LAMA4: variants seen among roughly 807,000 people sequenced by gnomAD.
The protein encoded by LAMA4 is laminin subunit alpha-4.
Under a neutral mutation model 207.1 loss-of-function variants are expected in LAMA4, and 127 were observed. The observed-to-expected ratio is 0.61, with a 90% CI of 0.53 to 0.71. The LOEUF is 0.71. Among genes scored for constraint, LAMA4 ranks in the 30% least tolerant of loss-of-function variants. The pLI, the probability that LAMA4 is intolerant of heterozygous loss-of-function variation, is 0.00. For synonymous variants in LAMA4, 761 were observed against 816.0 expected (o/e 0.93, Z 1.15); for missense variants, 2,093 against 2,246.5 (o/e 0.93, Z 1.38).
At chr6:112,186,924 GGT>G (rs1554346840) in intron 8 of LAMA4, 1 of 454,750 alleles carries the variant, frequency 2.2e-6, no homozygotes, top group South Asian at 1.6e-5. Context: ...GGAGAAACAA[GGT>G]GTGTGTGAAT....
chr6:112,159,721 C>CA (rs2114801968), intron 13 of LAMA4, among the ~76,000 whole-genome samples: 1 of 152,348 alleles, frequency 6.6e-6, no homozygotes, highest in African/African-American at 2.4e-5. Flanking sequence ...ACTTCTTCCA[C>CA]ACTTCTGATG....
chr6:112,131,010 T>C lies in LAMA4; in HGVS notation c.3926A>G (p.Asp1309Gly). The C allele has an allele frequency of 3.1e-6, 5 of 1,613,190 alleles. No individual in the cohort carries two copies. The highest frequency in any genetic ancestry group is 4.2e-6 in the Non-Finnish European group (5 of 1,179,272). ...KVQSVDKQYN[D>G]GLSHFVISSV... ...GCTAATGACGAAGTGGGACAGCCCA[T>C]CATTGTACTGCTTATCTACTGACTG... The change falls in exon 29 of 39, where the codon GAT becomes GGT. Residue 1309 changes from aspartate to glycine, a missense_variant. Physicochemically the swap from Asp to Gly is moderately conservative, Grantham distance 94 (BLOSUM62 -1). Coordinates refer to ENST00000230538, the MANE Select transcript of LAMA4 (RefSeq NM_001105206.3).
chr6:112,163,471 G>A (rs574997450), intron 13 of LAMA4, among the ~76,000 whole-genome samples: 1 of 152,288 alleles, frequency 6.6e-6, no homozygotes, highest in Admixed American at 6.5e-5. Context: ...CGCTAGCCAG[G>A]GTAGAGGCCA....
intron 2 of LAMA4, among the ~76,000 whole-genome samples, chr6:112,228,447 G>A (rs1238988650): frequency 6.6e-6 from 1 of 152,174 alleles, no homozygotes; most frequent in East Asian, 1.9e-4. Context: ...TGTCACTGAG[G>A]TAGTCAGGCC....
intron 16 of LAMA4, among the ~76,000 whole-genome samples, chr6:112,151,135 T>C (rs1256895135): frequency 2.6e-5 from 4 of 152,062 alleles, no homozygotes; most frequent in African/African-American, 7.2e-5. Flanking sequence ...GTCAAGAAAA[T>C]AGAAACTTAT....
rs968694130 is a variant in LAMA4, at chr6:112,247,941, G to C, written c.195+6015C>G. On this transcript the variant is annotated intron_variant, in intron 2 of 38. Coordinates refer to ENST00000230538, the MANE Select transcript of LAMA4 (RefSeq NM_001105206.3). ...CAATTCTGACACATGCTACAACATG[G>C]GTGAGCCTCAAAGACATTATGCCAA... 5.9e-5 allele frequency among the ~76,000 whole-genome samples: 9 copies of C among 152,204 alleles called. No individual in the cohort carries two copies. In the South Asian group the frequency reaches 1.9e-3, roughly 32 times the overall value.
At position 112,118,350 on chromosome 6, in the gene LAMA4, T is replaced by C. The variant is rs1192045232; in HGVS notation, c.4822-452A>G. Among the ~76,000 whole-genome samples the C allele has an allele frequency of 3.3e-5, 5 of 152,170 alleles. No individual in the cohort carries two copies. The highest frequency in any genetic ancestry group is 5.9e-5 in the Non-Finnish European group (4 of 68,034). On this transcript the variant is annotated intron_variant, in intron 34 of 38. Coordinates refer to ENST00000230538, the MANE Select transcript of LAMA4 (RefSeq NM_001105206.3). This position sits in a 1 kb window ranked among gnomAD's most constrained non-coding sequence, Gnocchi z 4.6. The stretch of plus-strand genomic sequence containing the variant: ...TTTTTGTGGTTGAGAATTTATCATA[T>C]CACAGGACATGAAACTTGGGCCACT...
intron 2 of LAMA4, among the ~76,000 whole-genome samples, chr6:112,231,832 CA>C (rs1409550563): frequency 6.6e-6 from 1 of 152,272 alleles, no homozygotes; most frequent in African/African-American, 2.4e-5. Flanking sequence ...GCCATGAAAC[CA>C]ACACCTTCAT....
Position 112,158,878 on chromosome 6 carries a change from A to T in LAMA4, c.1671T>A (p.Asn557Lys), listed in dbSNP as rs1554337654. The T allele has an allele frequency of 6.2e-7, 1 of 1,606,116 alleles. No individual in the cohort carries two copies. The highest frequency in any genetic ancestry group is 8.5e-7 in the Non-Finnish European group (1 of 1,173,376). The change falls in exon 14 of 39, where the codon AAT becomes AAA. Residue 557 changes from asparagine (N) to lysine (K), a missense_variant and splice_region_variant. Physicochemically the swap from Asn to Lys is moderately conservative, Grantham distance 94. Around this residue, in one of 3 missense-constraint regions of LAMA4, gnomAD observed 1,704 missense variants for 1,788.4 expected, o/e 0.95. Transcript: ENST00000230538. ...TLSELDDIIK[N>K]ASGIYAEIDG... ...CTATTTCTGCATAAATCCCTGACGC[A>T]TTCTAAAGAAAAAAATTTTAATAAA...
Position 112,246,552 on chromosome 6 carries a change from G to T in LAMA4, c.195+7404C>A, listed in dbSNP as rs1010907923. Among the ~76,000 whole-genome samples, 89 of 140,828 alleles carry T rather than the reference G, an allele frequency of 6.3e-4. 1 individual carries two copies. The highest frequency in any genetic ancestry group is 1.5e-4 in the Non-Finnish European group (10 of 66,460). The allele number at this position is 140,828 out of a possible 152,430, so 92.4% of individuals were successfully genotyped here. The stretch of plus-strand genomic sequence containing the variant: ...TTTTTTTTTTTTGAGATAGAGTCTC[G>T]CTCTGTCGCCCAGGCTGGAGTGCAA... On this transcript the variant is annotated intron_variant, in intron 2 of 38. Coordinates refer to ENST00000230538, the MANE Select transcript of LAMA4 (RefSeq NM_001105206.3).
chr6:112,172,874 G>A (rs1246607987), intron 11 of LAMA4, 70 bp from the exon 12 acceptor site: 3 of 1,331,416 alleles, frequency 2.3e-6, no homozygotes, highest in South Asian at 2.5e-5. Context: ...CCAGCATTTT[G>A]CAAAGTTGCA....
chr6:112,165,188 G>A lies in LAMA4; in HGVS notation c.1640C>T (p.Thr547Ile), dbSNP rs1554339531. 1 of 1,610,432 alleles carries A rather than the reference G, an allele frequency of 6.2e-7. No individual in the cohort carries two copies. ...SADSLTTPRLTLSELDDIIKN... is the reference protein window; with the variant it reads ...SADSLTTPRLILSELDDIIKN... ...TATTATATCATCAAGTTCTGAAAGA[G>A]TTAGACGAGGTGTTGTCAGAGAGTC... The change falls in exon 13 of 39, where the codon ACT (threonine) becomes ATT (isoleucine). Residue 547 changes from threonine to isoleucine, a missense_variant. Physicochemically the swap from Thr to Ile is moderately conservative, Grantham distance 89. Transcript: ENST00000230538.
intron 9 of LAMA4, among the ~76,000 whole-genome samples, chr6:112,183,037 C>T (rs1042453793): frequency 6.6e-6 from 1 of 152,080 alleles, no homozygotes; most frequent in African/African-American, 2.4e-5. Context: ...AGACAAAACC[C>T]GTAGCTAGGT....
intron 3 of LAMA4, among the ~76,000 whole-genome samples, chr6:112,212,918 A>G (rs1784432604): frequency 6.6e-6 from 1 of 152,224 alleles, no homozygotes; most frequent in Non-Finnish European, 1.5e-5. Flanking sequence ...ATAGAGTTCA[A>G]AAATCATGAA....
chr6:112,117,745 C>A lies in LAMA4; in HGVS notation c.4975G>T (p.Val1659Phe), dbSNP rs782698573. 4.3e-6 allele frequency: 7 copies of A among 1,613,242 alleles called. No homozygotes were observed. Among genetic ancestry groups the A allele is most frequent in the Non-Finnish European group, 5.9e-6 (7 of 1,179,384 alleles). ...TTAACATGACTAATGTTACCTAGAA[C>A]CACGTATCCTCCTTCTGTTGAAAAG... ...TYFSTEGGYV[V>F]LDESFNIGLK... Residue 1659 changes from valine to phenylalanine, a missense_variant, in exon 35 of 39, where the codon GTT becomes TTT. By Grantham distance (50) the Val-to-Phe change is conservative. Around this residue, in one of 3 missense-constraint regions of LAMA4, gnomAD observed 383 missense variants for 437.8 expected, o/e 0.87. Coordinates refer to ENST00000230538, the MANE Select transcript of LAMA4 (RefSeq NM_001105206.3). The surrounding 1 kb of genome is among the most constrained non-coding windows in gnomAD (Gnocchi z 4.5).
intron 20 of LAMA4, 21 bp from the exon 21 acceptor site, chr6:112,141,524 A>T: frequency 6.5e-7 from 1 of 1,535,494 alleles, no homozygotes; most frequent in African/African-American, 1.4e-5. Flanking sequence ...AAGAAGTAAG[A>T]AGTCATTTAA....
At chr6:112,115,343 T>C (rs1777954452) in intron 36 of LAMA4, among the ~76,000 whole-genome samples, 2 of 152,148 alleles carry the variant, frequency 1.3e-5, no homozygotes. Context: ...TCAATGAAAA[T>C]ATACTTTTTT....
rs902714021 is a variant in LAMA4 at position 112,240,055 on chromosome 6, C to G, written c.195+13901G>C. Among the ~76,000 whole-genome samples the G allele has an allele frequency of 2.7e-5, 4 of 150,448 alleles. No individual in the cohort carries two copies. In the East Asian group the frequency reaches 7.8e-4, roughly 29 times the overall value. On this transcript the variant is annotated intron_variant, in intron 2 of 38. Transcript: ENST00000230538. ...TGGGCGACAGAGCGAGACTCTGTCT[C>G]AAAAAAACAAAAAAAAAGTCTGACT...
chr6:112,135,813 T>C (rs782800940), intron 25 of LAMA4: 2 of 339,932 alleles, frequency 5.9e-6, no homozygotes, highest in Non-Finnish European at 1.1e-5. Flanking sequence ...TCAACAAATG[T>C]ATAGAAGTAT....
Sources: allele counts gnomAD v4.1 joint callset (sites outside exome capture counted in the v4.1 genomes callset), GRCh38; gene constraint gnomAD v4.1.1; regional missense constraint gnomAD v4.1.1; non-coding constraint Gnocchi (gnomAD v3.1); transcripts MANE v1.5; gene names NCBI Gene and HGNC (gene_info 2026-07-23, HGNC 2026-07-21).